C12orf42: variants seen among roughly 807,000 people sequenced by gnomAD.
The protein encoded by C12orf42 is chromosome 12 open reading frame 42.
Under a neutral mutation model 21.6 loss-of-function variants are expected in C12orf42, and 25 were observed. The ratio of observed to expected loss-of-function variants is 1.16; its 90% confidence interval spans 0.84 to 1.62. The LOEUF (loss-of-function observed/expected upper bound fraction) is 1.62. Ranked by LOEUF, C12orf42 falls within the 40% of genes most tolerant of loss-of-function variation. The pLI, the probability that C12orf42 is intolerant of heterozygous loss-of-function variation, is 0.00. For synonymous variants in C12orf42, 174 were observed against 175.0 expected (o/e 0.99, Z 0.05); for missense variants, 483 against 459.3 (o/e 1.05, Z -0.47).
At chr12:103,409,759 C>A (rs1316579385) in intron 2 of C12orf42, among the ~76,000 whole-genome samples, 1 of 151,948 alleles carries the variant, frequency 6.6e-6, no homozygotes, top group African/African-American at 2.4e-5. Context: ...ATGTCATGCA[C>A]CTAGCAGTTC....
chr12:103,316,141 T>C (rs1241876549), intron 4 of C12orf42, among the ~76,000 whole-genome samples: 6 of 150,780 alleles, frequency 4.0e-5, no homozygotes, highest in African/African-American at 1.2e-4. Context: ...TACTATATAG[T>C]ACTGTATATA....
the C12orf42 span, chr12:103,547,738 G>C: frequency 1.3e-5 from 2 of 152,150 alleles, no homozygotes; most frequent in Non-Finnish European, 2.9e-5. Context: ...GTGTGGAACT[G>C]AAGGTTTCCA....
At chr12:103,500,084 C>T (rs1159123963), upstream of C12orf42, among the ~76,000 whole-genome samples, 2 of 152,148 alleles carry the variant, frequency 1.3e-5, no homozygotes, top group East Asian at 3.8e-4. Context: ...AAACTTCAGC[C>T]TTTTAACTGT....
At chr12:103,096,488 G>GA in the C12orf42 span, among the ~76,000 whole-genome samples, 1 of 152,100 alleles carries the variant, frequency 6.6e-6, no homozygotes, top group Admixed American at 6.5e-5. Flanking sequence ...GCCATGAAAG[G>GA]AAAAAATTTG....
intron 2 of C12orf42, among the ~76,000 whole-genome samples, chr12:103,425,741 G>A (rs968917637): frequency 6.6e-6 from 1 of 151,830 alleles, no homozygotes; most frequent in African/African-American, 2.4e-5. Context: ...CAGGGAGATG[G>A]GATTTTTATC....
chr12:103,464,416 G>GTT (rs199780501), intron 2 of C12orf42, among the ~76,000 whole-genome samples: 4,669 of 147,718 alleles, frequency 0.032, 316 homozygotes, highest in East Asian at 0.26. Context: ...TTTTAATGGG[G>GTT]TTTTTTTTTT....
At chr12:103,158,186 T>C in the C12orf42 span, among the ~76,000 whole-genome samples, 17 of 152,316 alleles carry the variant, frequency 1.1e-4, no homozygotes, top group African/African-American at 3.6e-4. Context: ...TCTGATGAGA[T>C]GAATTTTGTT....
exon 7 of C12orf42, chr12:103,268,654 G>C (rs1356681309): frequency 6.6e-6 from 1 of 152,082 alleles, no homozygotes; most frequent in Admixed American, 6.6e-5. Flanking sequence ...CCGATTCAAA[G>C]AGAGTGCAGG....
intron 2 of C12orf42, among the ~76,000 whole-genome samples, chr12:103,454,416 GAA>G (rs775604862): frequency 1.1e-4 from 16 of 151,990 alleles, no homozygotes; most frequent in Non-Finnish European, 2.2e-4. Flanking sequence ...ATATTCTACT[GAA>G]AAAGACAGGA....
the C12orf42 span, among the ~76,000 whole-genome samples, chr12:103,087,870 CTGT>C: frequency 6.6e-6 from 1 of 152,188 alleles, no homozygotes; most frequent in Non-Finnish European, 1.5e-5. Context: ...CATGTAAACA[CTGT>C]AGGTAATGTT....
chr12:103,368,885 A>C lies in C12orf42; in HGVS notation c.259+2T>G. On this transcript the variant is annotated splice_donor_variant, in intron 4 of 5. Coordinates refer to ENST00000548883, the MANE Select transcript of C12orf42 (RefSeq NM_198521.5). LOFTEE classifies it high-confidence loss of function. The stretch of plus-strand genomic sequence containing the variant: ...CTGTCTTGGGATTATGTCTTAATTT[A>C]CCTGGAAAATTCAGAAAGTGTAGAC... The C allele has an allele frequency of 6.7e-7, 1 of 1,489,736 alleles. No individual in the cohort carries two copies. The allele number at this position is 1,489,736 out of a possible 1,614,324, so 92.3% of individuals were successfully genotyped here.
At chr12:103,479,345 T>C (rs1046343982) in intron 1 of C12orf42, among the ~76,000 whole-genome samples, 5 of 152,104 alleles carry the variant, frequency 3.3e-5, no homozygotes, top group African/African-American at 1.2e-4. Context: ...CAAGGAATAT[T>C]GGTTACAGAG....
chr12:103,225,883 C>T, the C12orf42 span, among the ~76,000 whole-genome samples: 3 of 152,018 alleles, frequency 2.0e-5, no homozygotes, highest in Admixed American at 1.3e-4. Context: ...GAGAGTTACC[C>T]GAAGCTCGGC....
At position 103,372,209 on chromosome 12, in the gene C12orf42, C is replaced by T. The variant is rs150751531; in HGVS notation, c.148-3211G>A. ...ATTAGCATCTTCATCCACATCCCTG[C>T]TTGCAGTTCACCTCCGTTGAATTCT... On this transcript the variant is annotated intron_variant, in intron 3 of 5. Transcript: ENST00000548883. 3.7e-3 allele frequency among the ~76,000 whole-genome samples: 557 copies of T among 152,206 alleles called. 1 individual carries two copies. Among genetic ancestry groups the T allele is most frequent in the Middle Eastern group, 6.8e-3 (2 of 294 alleles).
At position 103,351,688 on chromosome 12, in the gene C12orf42, C is replaced by T. The variant is rs536947842; in HGVS notation, c.259+17199G>A. On this transcript the variant is annotated intron_variant, in intron 4 of 5. Transcript: ENST00000548883. Reference sequence around the variant, plus strand: ...GGTAGAACATATGCACACAGCCTGGCGATTTTAAGATGTGTCACCCCTAAG... The same window carrying T: ...GGTAGAACATATGCACACAGCCTGGTGATTTTAAGATGTGTCACCCCTAAG... Among the ~76,000 whole-genome samples, 35 of 152,088 alleles carry T rather than the reference C, an allele frequency of 2.3e-4. No individual in the cohort carries two copies. The East Asian group carries it at 3.3e-3, about 14-fold the overall frequency.
chr12:103,468,204 C>T (rs1426993745), intron 2 of C12orf42, among the ~76,000 whole-genome samples: 2 of 152,156 alleles, frequency 1.3e-5, no homozygotes, highest in Non-Finnish European at 2.9e-5. Context: ...ACTTCTTAAC[C>T]ACCTTCCTGA....
chr12:103,144,225 AT>A, the C12orf42 span, among the ~76,000 whole-genome samples: 1 of 152,270 alleles, frequency 6.6e-6, no homozygotes, highest in African/African-American at 2.4e-5. Flanking sequence ...CATTCTGTTA[AT>A]AGAAAAAAAG....
At chr12:103,505,723 G>C in the C12orf42 span, 1 of 209,964 alleles carries the variant, frequency 4.8e-6, no homozygotes, top group African/African-American at 2.4e-5. Context: ...ACCAGCAGGG[G>C]TGCAGGGGAT....
the C12orf42 span, among the ~76,000 whole-genome samples, chr12:103,142,834 TA>T: frequency 6.6e-6 from 1 of 152,194 alleles, no homozygotes; most frequent in Non-Finnish European, 1.5e-5. Context: ...TAACTAACAG[TA>T]AAAATATAAA....
Sources: allele counts gnomAD v4.1 joint callset (sites outside exome capture counted in the v4.1 genomes callset), GRCh38; gene constraint gnomAD v4.1.1; transcripts MANE v1.5; gene names NCBI Gene and HGNC (gene_info 2026-07-23, HGNC 2026-07-21).